ZBP1: variants seen among roughly 807,000 people sequenced by gnomAD.
ZBP1 encodes Z-DNA-binding protein 1.
ZBP1 carries 42 observed loss-of-function variants against 41.1 expected under a neutral mutation model. The ratio of observed to expected loss-of-function variants is 1.02; its 90% CI spans 0.80 to 1.32. ZBP1 has a LOEUF of 1.32. Among genes scored for constraint, ZBP1 ranks in the 40% most tolerant of loss-of-function variants. The pLI is 0.00. For synonymous variants in ZBP1, 214 were observed against 205.2 expected, an observed-to-expected ratio of 1.04 and a Z score of -0.37; for missense variants, 562 against 549.7, an observed-to-expected ratio of 1.02 and a Z score of -0.22.
rs767889905 is a variant in ZBP1 at position 57,610,198 on chromosome 20, G to A, written c.1044C>T (p.Gly348=). 2.5e-5 allele frequency: 41 copies of A among 1,614,028 alleles called. No individual in the cohort carries two copies. In the Admixed American group the frequency reaches 6.0e-4, roughly 24 times the overall value. Reference sequence around the variant, plus strand: ...CTCCAGACCCTGCGACTCCTCCTGGGCCAGCCACCCCTGGGCTGATAGACA... The same window carrying A: ...CTCCAGACCCTGCGACTCCTCCTGGACCAGCCACCCCTGGGCTGATAGACA... ...NKMSISPGVA[G]PGGVAGSGEG... Residue 348 remains glycine (G), a synonymous_variant, in exon 7 of 8, where the codon GGC becomes GGT. Transcript: ENST00000371173. The surrounding 1 kb of genome is among the most constrained non-coding windows in gnomAD (Gnocchi z 5.5).
In ZBP1 at chr20:57,610,253, T is replaced by C. The variant is rs1488536987; in HGVS notation, c.989A>G (p.Glu330Gly). ...QRIHMKSCFL[E>G]DATIGNSNKM... ...GTTGCTGTTGCCGATGGTGGCGTCC[T>C]CGAGAAAGCACGATTTCATGTGGAT... is the stretch of plus-strand genomic sequence containing the variant. The change falls in exon 7 of 8, where the codon GAG (glutamate) becomes GGG (glycine). Residue 330 changes from glutamate (E) to glycine (G), a missense_variant. By Grantham distance (98) the Glu-to-Gly change is moderately conservative (BLOSUM62 -2). Transcript: ENST00000371173. The surrounding 1 kb of genome is among the most constrained non-coding windows in gnomAD (Gnocchi z 5.5). The C allele has an allele frequency of 6.2e-7, 1 of 1,614,196 alleles. No individual in the cohort carries two copies. Among genetic ancestry groups the C allele is most frequent in the East Asian group, 2.2e-5 (1 of 44,884 alleles).
chr20:57,612,917 TA>T (rs1372330371), intron 5 of ZBP1: 2 of 1,334,582 alleles, frequency 1.5e-6, no homozygotes, highest in African/African-American at 3.0e-5. Context: ...ATTAGAAAAA[TA>T]AAAATTAAAT....
At chr20:57,616,104 G>C in intron 2 of ZBP1, 140 bp downstream of exon 2, 1 of 768,216 alleles carries the variant, frequency 1.3e-6, no homozygotes, top group Non-Finnish European at 2.0e-6. Context: ...ACCAGAAAAA[G>C]AAACCAAGGC....
chr20:57,610,161 CT>C lies in ZBP1; in HGVS notation c.1080del (p.Glu362ArgfsTer38), dbSNP rs768524514. The C allele has an allele frequency of 1.2e-6, 2 of 1,613,782 alleles. No homozygotes were observed. The highest frequency in any genetic ancestry group is 1.7e-6 in the Non-Finnish European group (2 of 1,179,990). On this transcript the variant is annotated frameshift_variant, in exon 7 of 8. Coordinates refer to ENST00000371173, the MANE Select transcript of ZBP1 (RefSeq NM_030776.3). LOFTEE classifies it low-confidence loss of function (END_TRUNC). The surrounding 1 kb of genome is among the most constrained non-coding windows in gnomAD (Gnocchi z 5.5). ...CCCCCTAGCTCACCTGCGTCCTCCCCTGGCTCCCCCTCTCCAGACCCTGCGA... is the reference window on the plus strand; with the variant it reads ...CCCCCTAGCTCACCTGCGTCCTCCCCGGCTCCCCCTCTCCAGACCCTGCGA... ...GGVAGSGEGE[P>X]GEDAGRRPAD...
At position 57,604,584 on chromosome 20, in the gene ZBP1, C is replaced by T. The variant is rs770164443; in HGVS notation, c.1279G>A (p.Gly427Ser). ...CGTGAGGCTGTGCACTAAATCCCAC[C>T]TCCCCACCAGCTCCCCTCGTGTGAG... is the stretch of plus-strand genomic sequence containing the variant. ...EASHEGSWWG[G>S]GI is the part of the protein sequence containing the mutation. The change falls in exon 8 of 8, where the codon GGT becomes AGT. Residue 427 changes from glycine to serine, a missense_variant. Physicochemically the swap from Gly to Ser is moderately conservative, Grantham distance 56. Coordinates refer to ENST00000371173, the MANE Select transcript of ZBP1 (RefSeq NM_030776.3). 3.7e-6 allele frequency: 6 copies of T among 1,613,540 alleles called. No individual in the cohort carries two copies. The South Asian group carries it at 6.6e-5, about 18-fold the overall frequency.
Position 57,614,972 on chromosome 20 carries a change from A to G in ZBP1, c.417T>C (p.Asp139=), listed in dbSNP as rs369785198. 6 of 1,614,166 alleles carry G rather than the reference A, an allele frequency of 3.7e-6. No homozygotes were observed. The highest frequency in any genetic ancestry group is 2.2e-5 in the South Asian group (2 of 91,082). The part of the protein sequence containing the change: ...AQALGMRTAK[D]VNRDLYRMKS... The stretch of plus-strand genomic sequence containing the variant: ...TCATCCTGTACAAGTCTCGGTTCAC[A>G]TCTTTTGCTGTCCTCATTCCCAGTG... Residue 139 remains aspartate (D), a synonymous_variant, in exon 4 of 8, where the codon GAT becomes GAC. Coordinates refer to ENST00000371173, the MANE Select transcript of ZBP1 (RefSeq NM_030776.3).
chr20:57,616,482 C>T lies in ZBP1; in HGVS notation c.35-14G>A, dbSNP rs369207603. The T allele has an allele frequency of 1.5e-5, 24 of 1,612,000 alleles. No individual in the cohort carries two copies. The highest frequency in any genetic ancestry group is 1.1e-4 in the African/African-American group (8 of 74,860). ...GTTCAAGGTGGCCTGGGGGAGCGAG[C>T]GGGGGACAGAGAGGGGAACTGAGTC... On this transcript the variant is annotated splice_polypyrimidine_tract_variant and intron_variant, in intron 1 of 7. Coordinates refer to ENST00000371173, the MANE Select transcript of ZBP1 (RefSeq NM_030776.3).
Position 57,620,250 on chromosome 20 carries a change from G to A in ZBP1, c.34+12C>T. 1.3e-6 allele frequency: 2 copies of A among 1,586,848 alleles called. No homozygotes were observed. Among genetic ancestry groups the A allele is most frequent in the Non-Finnish European group, 1.7e-6 (2 of 1,165,832 alleles). On this transcript the variant is annotated intron_variant, in intron 1 of 7. Transcript: ENST00000371173. ...AGCTACCGCTGGTCCTTGGAAGGAA[G>A]AAGTACTGTACCTTCTCTGCCCGGG...
At chr20:57,607,309 G>A in intron 7 of ZBP1, 2 of 1,292,540 alleles carry the variant, frequency 1.5e-6, no homozygotes, top group Non-Finnish European at 1.0e-6. Flanking sequence ...AACTGCAAAT[G>A]TGGTGGAAAT....
At position 57,604,312 on chromosome 20, in the gene ZBP1, C is replaced by A; in HGVS notation, c.*261G>T. ...AGTCCCCTGGGCCTGGGGGACCGAG[C>A]CCCACTCCCATCTACCCACCTCCTC... On this transcript the variant is annotated 3_prime_UTR_variant, in exon 8 of 8. Transcript: ENST00000371173. 1.6e-6 allele frequency: 1 copy of A among 627,008 alleles called. No homozygotes were observed. Among genetic ancestry groups the A allele is most frequent in the South Asian group, 1.5e-5 (1 of 65,792 alleles). The allele number at this position is 627,008 out of a possible 1,614,324, so 38.8% of individuals were successfully genotyped here.
At position 57,613,013 on chromosome 20, in the gene ZBP1, C is replaced by G; in HGVS notation, c.670+150G>C. The G allele has an allele frequency of 1.3e-6, 2 of 1,490,376 alleles. No homozygotes were observed. The highest frequency in any genetic ancestry group is 1.3e-5 in the South Asian group (1 of 74,486). 92.3% of individuals were successfully genotyped at this position (1,490,376 alleles called of 1,614,324 possible). ...CAGGTGTCCTCATTCTCAGGACGGCCGTAAAGGTGGACTGTGGGGGTCTGG... is the reference window on the plus strand; with the variant it reads ...CAGGTGTCCTCATTCTCAGGACGGCGGTAAAGGTGGACTGTGGGGGTCTGG... On this transcript the variant is annotated intron_variant, in intron 5 of 7. Coordinates refer to ENST00000371173, the MANE Select transcript of ZBP1 (RefSeq NM_030776.3). The surrounding 1 kb of genome is among the most constrained non-coding windows in gnomAD (Gnocchi z 4.5).
chr20:57,607,220 C>T (rs1411348707), intron 7 of ZBP1: 1 of 1,303,944 alleles, frequency 7.7e-7, no homozygotes, highest in South Asian at 1.2e-5. Flanking sequence ...AAACTATCAA[C>T]ATTCACAGGA....
intron 1 of ZBP1, among the ~76,000 whole-genome samples, chr20:57,618,861 G>A (rs551336009): frequency 3.7e-4 from 57 of 152,324 alleles, no homozygotes; most frequent in African/African-American, 1.2e-3. Context: ...GATTGCAGGC[G>A]TGAGCCACTG....
Position 57,613,145 on chromosome 20 carries a change from C to A in ZBP1, c.670+18G>T. On this transcript the variant is annotated intron_variant, in intron 5 of 7. Transcript: ENST00000371173. The surrounding 1 kb of genome is among the most constrained non-coding windows in gnomAD (Gnocchi z 4.5). The stretch of plus-strand genomic sequence containing the variant: ...TCCCCACCGAGGTCCCCTCCCTGGG[C>A]TCTCTTGGGTGACTTACCGTCCTCC... 1 of 1,614,122 alleles carries A rather than the reference C, an allele frequency of 6.2e-7. No individual in the cohort carries two copies. Among genetic ancestry groups the A allele is most frequent in the Non-Finnish European group, 8.5e-7 (1 of 1,180,004 alleles).
intron 5 of ZBP1, among the ~76,000 whole-genome samples, chr20:57,612,271 G>T (rs1425138830): frequency 1.3e-5 from 2 of 152,106 alleles, no homozygotes; most frequent in East Asian, 1.9e-4. Flanking sequence ...AGAGCCTCCC[G>T]CAGTGTTTTA....
chr20:57,618,840 C>T (rs1429232570), intron 1 of ZBP1, among the ~76,000 whole-genome samples: 1 of 152,190 alleles, frequency 6.6e-6, no homozygotes, highest in Non-Finnish European at 1.5e-5. Context: ...CTCAGCCTCC[C>T]AAAGTGCTGG....
chr20:57,604,744 G>T lies in ZBP1; in HGVS notation c.1119C>A (p.Ser373=). ...CAATGTCTCGAGGAAAGTGACTTCT[G>T]GATTGTGTGTCTGCGGGACGACGAC... ...DAGRRPADTQ[S]RSHFPRDIGQ... Residue 373 remains serine (S), a synonymous_variant, in exon 8 of 8, where the codon TCC becomes TCA. Coordinates refer to ENST00000371173, the MANE Select transcript of ZBP1 (RefSeq NM_030776.3). 1 of 1,614,146 alleles carries T rather than the reference G, an allele frequency of 6.2e-7. No individual in the cohort carries two copies. Among genetic ancestry groups the T allele is most frequent in the Non-Finnish European group, 8.5e-7 (1 of 1,179,984 alleles).
At chr20:57,616,525 T>C in intron 1 of ZBP1, 57 bp from the exon 2 acceptor site, 1 of 1,598,376 alleles carries the variant, frequency 6.3e-7, no homozygotes, top group Non-Finnish European at 8.5e-7. Context: ...TCCCCACAGT[T>C]GAGCCCAGGC....
At position 57,604,161 on chromosome 20, in the gene ZBP1, C is replaced by CCG; in HGVS notation, c.*411_*412insCG. 2.9e-6 allele frequency: 1 copy of CCG among 340,102 alleles called. No individual in the cohort carries two copies. The highest frequency in any genetic ancestry group is 5.8e-6 in the Non-Finnish European group (1 of 172,946). 21.1% of individuals were successfully genotyped at this position (340,102 alleles called of 1,614,324 possible). ...GTGCTGGGATTACAGGCGTGAGCCA[C>CCG]TGCACCCAGTTGGGATTATGTTTTG... is the stretch of plus-strand genomic sequence containing the variant. On this transcript the variant is annotated 3_prime_UTR_variant, in exon 8 of 8. Coordinates refer to ENST00000371173, the MANE Select transcript of ZBP1 (RefSeq NM_030776.3).
Sources: gnomAD v4.1 joint callset for allele counts (sites outside exome capture counted in the v4.1 genomes callset) on GRCh38, gnomAD v4.1.1 for gene constraint, Gnocchi (gnomAD v3.1) non-coding constraint, MANE v1.5 for transcripts, NCBI Gene and HGNC (gene_info 2026-07-23, HGNC 2026-07-21) for gene names.